Variants in ATP2C2 observed in about 807,000 individuals in gnomAD.
The protein encoded by ATP2C2 is ATPase secretory pathway Ca2+ transporting 2.
A neutral mutation model predicts 110.8 loss-of-function variants in ATP2C2; 171 were observed. The ratio of observed to expected loss-of-function variants is 1.54; its 90% CI spans 1.36 to 1.75. The LOEUF (loss-of-function observed/expected upper bound fraction) is 1.75. Among genes scored for constraint, ATP2C2 ranks in the 40% most tolerant of loss-of-function variants. The pLI is 0.00. For synonymous variants in ATP2C2, 804 were observed against 508.4 expected (o/e 1.58, Z -7.82); for missense variants, 1,963 against 1,235.0 (o/e 1.59, Z -8.84).
chr16:84,440,629 G>A (rs1909158502), intron 13 of ATP2C2, among the ~76,000 whole-genome samples: 1 of 152,226 alleles, frequency 6.6e-6, no homozygotes, highest in Non-Finnish European at 1.5e-5. Flanking sequence ...TGGCTGCAGA[G>A]TATCCCACTG....
At chr16:84,419,740 G>C (rs1019730661) in intron 7 of ATP2C2, among the ~76,000 whole-genome samples, 1 of 152,244 alleles carries the variant, frequency 6.6e-6, no homozygotes, top group East Asian at 1.9e-4. Context: ...CCTGGGCTGG[G>C]TACCGAGGAC....
chr16:84,448,828 C>A, intron 17 of ATP2C2, 139 bp downstream of exon 17: 4 of 1,182,694 alleles, frequency 3.4e-6, no homozygotes, highest in Non-Finnish European at 4.7e-6. Flanking sequence ...ATAATGTGTG[C>A]TTGGAACCTG....
intron 1 of ATP2C2, among the ~76,000 whole-genome samples, chr16:84,388,846 A>G (rs1904477567): frequency 6.6e-6 from 1 of 152,142 alleles, no homozygotes; most frequent in Non-Finnish European, 1.5e-5. Flanking sequence ...ATCTTGGCTC[A>G]CTGCTACCTC....
Position 84,451,005 on chromosome 16 carries a change from G to C in ATP2C2, c.1661-916G>C, listed in dbSNP as rs552618693. Among the ~76,000 whole-genome samples, 761 of 152,234 alleles carry C rather than the reference G, an allele frequency of 5.0e-3. 3 individuals carry two copies. The highest frequency in any genetic ancestry group is 0.014 in the Middle Eastern group (4 of 292). On this transcript the variant is annotated intron_variant, in intron 17 of 26. Transcript: ENST00000262429. The stretch of plus-strand genomic sequence containing the variant: ...GGAAGTGGGGTGGGTCTTATACCAT[G>C]AGTGGTGTATTAGTTTATTTTCATG...
chr16:84,421,617 C>T (rs1567712248), intron 7 of ATP2C2, among the ~76,000 whole-genome samples: 1 of 152,114 alleles, frequency 6.6e-6, no homozygotes, highest in African/African-American at 2.4e-5. Context: ...CTGGGAGCCT[C>T]ACCTCGGGAG....
At chr16:84,402,630 T>G (rs539226794) in intron 2 of ATP2C2, among the ~76,000 whole-genome samples, 1 of 152,348 alleles carries the variant, frequency 6.6e-6, no homozygotes, top group African/African-American at 2.4e-5. Context: ...CCTTGCACCC[T>G]TGGGATAAAT....
intron 11 of ATP2C2, among the ~76,000 whole-genome samples, chr16:84,438,050 C>A (rs1555563827): frequency 6.6e-6 from 1 of 152,230 alleles, no homozygotes; most frequent in African/African-American, 2.4e-5. Context: ...TGGCATGTGC[C>A]AGTGCCTTGT....
intron 3 of ATP2C2, 122 bp downstream of exon 3, chr16:84,405,366 C>A (rs1186932084): frequency 3.8e-6 from 3 of 784,734 alleles, no homozygotes; most frequent in Non-Finnish European, 6.1e-6. Context: ...TTTCACGCTG[C>A]CCCAGCCAGC....
At chr16:84,452,204 G>A in intron 18 of ATP2C2, 113 bp downstream of exon 18, 4 of 1,294,114 alleles carry the variant, frequency 3.1e-6, no homozygotes, top group Non-Finnish European at 4.2e-6. Flanking sequence ...CTCACGCCTA[G>A]CCCTACAGGC....
chr16:84,406,923 CTCCTCCA>C (rs1030437008), intron 3 of ATP2C2, among the ~76,000 whole-genome samples: 2 of 152,140 alleles, frequency 1.3e-5, no homozygotes, highest in South Asian at 2.1e-4. Flanking sequence ...ACCAAGGATC[CTCCTCCA>C]GCCTCCAGCC....
rs3743656 is a variant in ATP2C2, at chr16:84,462,725, T to C, written c.2722+596T>C. Reference sequence around the variant, plus strand: ...GCAAGGGGAGGGAGCCAGGGACAAGTCATCGACCCCACCCTTTTCCCCAGT... The same window carrying C: ...GCAAGGGGAGGGAGCCAGGGACAAGCCATCGACCCCACCCTTTTCCCCAGT... On this transcript the variant is annotated intron_variant, in intron 26 of 26. Transcript: ENST00000262429. The C allele has an allele frequency of 3.5e-3, 540 of 152,960 alleles. 10 individuals are homozygous for C. The East Asian group carries it at 0.069, about 20-fold the overall frequency. 9.5% of individuals were successfully genotyped at this position (152,960 alleles called of 1,614,324 possible). A position where few individuals can be genotyped will look rare whatever the true frequency, so the allele number is the denominator to read the frequency against.
intron 17 of ATP2C2, among the ~76,000 whole-genome samples, chr16:84,449,679 C>T (rs900581423): frequency 1.6e-4 from 25 of 152,168 alleles, no homozygotes; most frequent in Admixed American, 8.5e-4. Flanking sequence ...ACCTCGCTGA[C>T]ACCAGCGACG....
At position 84,463,613 on chromosome 16, in the gene ATP2C2, G is replaced by C. The variant is rs758619009; in HGVS notation, c.2723-1G>C. The stretch of plus-strand genomic sequence containing the variant: ...ATCTTTTCTGTTTTCTCCCTTGGCA[G>C]ATTTGCTGTTTTTAACTGGATTGGC... On this transcript the variant is annotated splice_acceptor_variant, in intron 26 of 26. Transcript: ENST00000262429. LOFTEE classifies it high-confidence loss of function. The C allele has an allele frequency of 1.2e-6, 2 of 1,612,446 alleles. No homozygotes were observed. The highest frequency in any genetic ancestry group is 1.7e-6 in the Non-Finnish European group (2 of 1,178,570).
At chr16:84,449,109 T>C (rs1910023633) in intron 17 of ATP2C2, among the ~76,000 whole-genome samples, 1 of 146,788 alleles carries the variant, frequency 6.8e-6, no homozygotes, top group African/African-American at 2.6e-5. Context: ...TGGGCTGAAC[T>C]GAACATTAAA....
Position 84,448,641 on chromosome 16 carries a change from T to A in ATP2C2, c.1612T>A (p.Ser538Thr), listed in dbSNP as rs768063319. The stretch of plus-strand genomic sequence containing the variant: ...CCTGCCGCTGACGCCCCAGCAGAGG[T>A]CATTCTGCCTGCAGGAAGAGAAGAG... ...IPLPLTPQQR[S>T]FCLQEEKRMG... Residue 538 changes from serine to threonine, a missense_variant, in exon 17 of 27, where the codon TCA (serine) becomes ACA (threonine). By Grantham distance (58) the Ser-to-Thr change is moderately conservative. Transcript: ENST00000262429. The A allele has an allele frequency of 6.2e-7, 1 of 1,613,740 alleles. No homozygotes were observed. The highest frequency in any genetic ancestry group is 1.1e-5 in the South Asian group (1 of 91,006).
chr16:84,401,456 C>A (rs915917750), intron 2 of ATP2C2, among the ~76,000 whole-genome samples: 1 of 152,098 alleles, frequency 6.6e-6, no homozygotes, highest in African/African-American at 2.4e-5. Flanking sequence ...AACTCCTGAC[C>A]TCAGGTAATC....
chr16:84,447,681 A>G (rs1354997825), intron 16 of ATP2C2, among the ~76,000 whole-genome samples: 1 of 146,210 alleles, frequency 6.8e-6, no homozygotes, highest in Non-Finnish European at 1.5e-5. Flanking sequence ...TATATTACAT[A>G]TATTATTTAA....
intron 1 of ATP2C2, among the ~76,000 whole-genome samples, chr16:84,380,733 T>G (rs1176741929): frequency 2.0e-5 from 3 of 152,210 alleles, no homozygotes; most frequent in East Asian, 3.8e-4. Flanking sequence ...TGCCTCTGTT[T>G]GTTCTTCTGT....
chr16:84,436,484 G>T (rs150484575), intron 11 of ATP2C2, among the ~76,000 whole-genome samples: 1 of 152,142 alleles, frequency 6.6e-6, no homozygotes, highest in Non-Finnish European at 1.5e-5. Context: ...GCTGTGGGTG[G>T]GTTGCAGGTG....
Sources: allele counts gnomAD v4.1 joint callset (sites outside exome capture counted in the v4.1 genomes callset), GRCh38; gene constraint gnomAD v4.1.1; transcripts MANE v1.5; gene names NCBI Gene and HGNC (gene_info 2026-07-23, HGNC 2026-07-21).